The following THEMIS variants were observed in gnomAD, a reference collection of about 807,000 sequenced individuals.
THEMIS encodes thymocyte selection associated, also known as protein THEMIS.
THEMIS carries 37 observed loss-of-function variants against 52.6 expected under a neutral mutation model. The observed-to-expected ratio is 0.70, with a 90% CI of 0.54 to 0.93. The LOEUF (loss-of-function observed/expected upper bound fraction) is 0.93. THEMIS is among the 40% of genes least tolerant of loss of function. The pLI, the probability that THEMIS is intolerant of heterozygous loss-of-function variation, is 0.00. For synonymous variants in THEMIS, 292 were observed against 272.7 expected, an observed-to-expected ratio of 1.07 and a Z score of -0.70; for missense variants, 808 against 763.1, an observed-to-expected ratio of 1.06 and a Z score of -0.69.
intron 4 of THEMIS, among the ~76,000 whole-genome samples, chr6:127,780,804 C>A (rs958531735): frequency 1.7e-4 from 26 of 152,040 alleles, no homozygotes; most frequent in African/African-American, 4.6e-4. Flanking sequence ...GGTAACCCAA[C>A]CTTTCTGGTT....
At chr6:127,746,165 TAA>T (rs1446690236) in intron 4 of THEMIS, among the ~76,000 whole-genome samples, 1 of 151,898 alleles carries the variant, frequency 6.6e-6, no homozygotes, top group African/African-American at 2.4e-5. Flanking sequence ...TATATAACAT[TAA>T]GTTTGAAAGA....
intron 1 of THEMIS, among the ~76,000 whole-genome samples, chr6:127,863,955 C>A (rs1343583616): frequency 6.6e-6 from 1 of 152,126 alleles, no homozygotes; most frequent in Non-Finnish European, 1.5e-5. Context: ...TAGCTGGATT[C>A]TTCCCCTGTG....
intron 2 of THEMIS, among the ~76,000 whole-genome samples, chr6:127,839,632 A>G (rs1583336682): frequency 6.6e-6 from 1 of 152,074 alleles, no homozygotes; most frequent in African/African-American, 2.4e-5. Context: ...CCTTTCAAAG[A>G]GCTGGGATTA....
At chr6:127,901,838 C>T (rs1203376226), upstream of THEMIS, among the ~76,000 whole-genome samples, 1 of 152,030 alleles carries the variant, frequency 6.6e-6, no homozygotes, top group East Asian at 1.9e-4. Context: ...GTTCACAATT[C>T]CACAATTCTG....
intron 2 of THEMIS, among the ~76,000 whole-genome samples, chr6:127,851,638 A>AT (rs1247581594): frequency 6.6e-6 from 1 of 151,764 alleles, no homozygotes; most frequent in African/African-American, 2.4e-5. Context: ...AAACAATGAT[A>AT]TACCATAGGC....
chr6:127,734,913 A>ATATATATATGTG (rs1398876841), intron 4 of THEMIS, among the ~76,000 whole-genome samples: 43 of 106,440 alleles, frequency 4.0e-4, no homozygotes, highest in African/African-American at 1.6e-3. Context: ...ATATATATAT[A>ATATATATATGTG]TGTGTGTGTG....
intron 1 of THEMIS, among the ~76,000 whole-genome samples, chr6:127,914,216 C>T (rs1781471609): frequency 6.6e-6 from 1 of 152,076 alleles, no homozygotes; most frequent in Non-Finnish European, 1.5e-5. Context: ...CATGTTGGTG[C>T]TCAAAAAGTT....
intron 2 of THEMIS, among the ~76,000 whole-genome samples, chr6:127,844,422 C>A (rs987478416): frequency 6.6e-6 from 1 of 151,686 alleles, no homozygotes; most frequent in Admixed American, 6.6e-5. Flanking sequence ...TGCTACCTCC[C>A]GAAACAAAAT....
At chr6:127,799,693 C>T (rs1777465288) in intron 4 of THEMIS, among the ~76,000 whole-genome samples, 2 of 151,936 alleles carry the variant, frequency 1.3e-5, no homozygotes, top group South Asian at 2.1e-4. Context: ...GAAGGTTACA[C>T]TTTCACACTC....
chr6:127,784,991 CTATCTATCTATCTAT>C (rs1305648642), intron 4 of THEMIS, among the ~76,000 whole-genome samples: 371 of 121,806 alleles, frequency 3.0e-3, no homozygotes, highest in Non-Finnish European at 4.1e-3. Flanking sequence ...ATCTATCTAT[CTATCTATCTATCTAT>C]TATCTATCTA....
chr6:127,917,299 T>G (rs550540480), intron 1 of THEMIS, among the ~76,000 whole-genome samples: 4 of 152,300 alleles, frequency 2.6e-5, no homozygotes, highest in African/African-American at 9.6e-5. Flanking sequence ...AGGCAGGCAA[T>G]AGATGCTTCT....
chr6:127,702,332 T>C, the THEMIS span, among the ~76,000 whole-genome samples: 6 of 152,208 alleles, frequency 3.9e-5, no homozygotes, highest in Admixed American at 2.6e-4. Context: ...TTTATTCTTC[T>C]TGAAATATGC....
intron 4 of THEMIS, among the ~76,000 whole-genome samples, chr6:127,753,606 T>C (rs1049298206): frequency 6.6e-6 from 1 of 151,920 alleles, no homozygotes; most frequent in Non-Finnish European, 1.5e-5. Context: ...CTAAAATTTA[T>C]ATGGAAGCAC....
At chr6:127,800,524 C>T (rs1294449322) in intron 4 of THEMIS, among the ~76,000 whole-genome samples, 1 of 152,160 alleles carries the variant, frequency 6.6e-6, no homozygotes, top group Non-Finnish European at 1.5e-5. Context: ...TCTGTAAAAC[C>T]ATCTGCGTTG....
intron 4 of THEMIS, among the ~76,000 whole-genome samples, chr6:127,732,910 G>A (rs925545669): frequency 6.6e-6 from 1 of 152,188 alleles, no homozygotes; most frequent in African/African-American, 2.4e-5. Flanking sequence ...AGCTATAGTA[G>A]AGCCTGCAGT....
chr6:127,751,013 A>C (rs1011699056), intron 4 of THEMIS, among the ~76,000 whole-genome samples: 1 of 151,820 alleles, frequency 6.6e-6, no homozygotes, highest in African/African-American at 2.4e-5. Context: ...AGCAACATGA[A>C]AATATGACAG....
At chr6:127,753,060 A>G (rs1258600500) in intron 4 of THEMIS, among the ~76,000 whole-genome samples, 1 of 152,004 alleles carries the variant, frequency 6.6e-6, no homozygotes, top group Non-Finnish European at 1.5e-5. Flanking sequence ...TGATGATTAA[A>G]AATCACATAA....
chr6:127,907,336 G>GTTTTTTTTTT (rs1444629822), intron 1 of THEMIS, among the ~76,000 whole-genome samples: 18 of 28,568 alleles, frequency 6.3e-4, no homozygotes, highest in Non-Finnish European at 1.0e-3. Context: ...ATTAGGCTCG[G>GTTTTTTTTTT]ATTTTTTTTT....
chr6:127,736,025 T>C (rs1032128320), intron 4 of THEMIS, among the ~76,000 whole-genome samples: 1 of 152,198 alleles, frequency 6.6e-6, no homozygotes, highest in East Asian at 1.9e-4. Flanking sequence ...ACTGACCACA[T>C]GTTTCAGTGT....
Sources: gnomAD v4.1 joint callset for allele counts (sites outside exome capture counted in the v4.1 genomes callset) on GRCh38, gnomAD v4.1.1 for gene constraint, MANE v1.5 for transcripts, NCBI Gene and HGNC (gene_info 2026-07-23, HGNC 2026-07-21) for gene names.